SRPX2: variants seen among roughly 807,000 people sequenced by gnomAD.
SRPX2 encodes sushi repeat containing protein X-linked 2.
SRPX2 carries 26 observed loss-of-function variants against 45.3 expected under a neutral mutation model. The ratio of observed to expected loss-of-function variants is 0.57; its 90% CI spans 0.42 to 0.80. The LOEUF is 0.80. Ranked by LOEUF, SRPX2 falls within the 30% of genes least tolerant of loss-of-function variation. The probability of loss-of-function intolerance (pLI) is 0.00; values close to 1 mark genes in which losing one functional copy is unlikely to be tolerated. For missense variants in SRPX2, 355 were observed against 399.8 expected (o/e 0.89, Z 0.95); for synonymous variants, 125 against 143.7 (o/e 0.87, Z 0.93).
Position 100,670,894 on chromosome X carries a change from C to A in SRPX2, c.1305C>A (p.Val435=), listed in dbSNP as rs2083222547. The part of the protein sequence containing the change: ...GIDRDRYMEP[V]TPEEIFTFID... ...ACCGAGACCGCTACATGGAACCTGT[C>A]ACCCCCGAGGAAATCTTCACATTCA... is the stretch of plus-strand genomic sequence containing the variant. The change falls in exon 11 of 11, where the codon GTC becomes GTA. Residue 435 remains valine (V), a synonymous_variant. Transcript: ENST00000373004. The A allele has an allele frequency of 3.3e-6, 4 of 1,211,532 alleles. No homozygotes were observed. The highest frequency in any genetic ancestry group is 4.5e-6 in the Non-Finnish European group (4 of 895,457).
Position 100,671,263 on chromosome X carries a change from G to A in SRPX2, c.*276G>A. 4 of 383,627 alleles carry A rather than the reference G, an allele frequency of 1.0e-5. No individual in the cohort carries two copies. Among genetic ancestry groups the A allele is most frequent in the Non-Finnish European group, 1.8e-5 (4 of 217,928 alleles). 31.6% of individuals were successfully genotyped at this position (383,627 alleles called of 1,213,427 possible). A position where few individuals can be genotyped will look rare whatever the true frequency, so the allele number is the denominator to read the frequency against. ...CCGGGCCCCTGCCCAGCTCTCCAAA[G>A]TCTTTCAGAAAAGTAAATCCTAAAT... On this transcript the variant is annotated 3_prime_UTR_variant, in exon 11 of 11. Transcript: ENST00000373004.
chrX:100,653,644 T>A (rs890945452), intron 3 of SRPX2, among the ~76,000 whole-genome samples: 2 of 112,079 alleles, frequency 1.8e-5, no homozygotes, highest in Non-Finnish European at 3.8e-5. Context: ...TGTTCAGTAC[T>A]GTGTTCCCAA....
Position 100,666,854 on chromosome X carries a change from C to T in SRPX2, c.882C>T (p.Gly294=), listed in dbSNP as rs748732647. 8.2e-5 allele frequency: 99 copies of T among 1,210,290 alleles called. No homozygotes were observed. Among genetic ancestry groups the T allele is most frequent in the Non-Finnish European group, 1.0e-4 (92 of 895,376 alleles). ...YGATCEYHCD[G]GYDRQGTPSR... Reference sequence around the variant, plus strand: ...CCACCTGTGAATACCACTGTGATGGCGGTTATGATCGCCAGGGGACACCCT... The same window carrying T: ...CCACCTGTGAATACCACTGTGATGGTGGTTATGATCGCCAGGGGACACCCT... The change falls in exon 8 of 11, where the codon GGC becomes GGT. Residue 294 remains glycine (G), a synonymous_variant. Transcript: ENST00000373004.
At chrX:100,663,903 C>T (rs865927356) in intron 4 of SRPX2, among the ~76,000 whole-genome samples, 21 of 111,909 alleles carry the variant, frequency 1.9e-4, no homozygotes, top group Non-Finnish European at 3.4e-4. Flanking sequence ...CCCAAGTTGG[C>T]ATGTAAGTGA....
At chrX:100,652,122 G>A (rs2083155621) in intron 3 of SRPX2, among the ~76,000 whole-genome samples, 2 of 112,191 alleles carry the variant, frequency 1.8e-5, no homozygotes, top group South Asian at 7.4e-4. Flanking sequence ...TGCAGAAATA[G>A]GGGTTCAGTG....
chrX:100,657,347 G>GTTTTTTTTTT (rs1569359823), intron 3 of SRPX2, among the ~76,000 whole-genome samples: 1 of 11,652 alleles, frequency 8.6e-5, no homozygotes, highest in African/African-American at 1.7e-4. Context: ...TGTTATTTAT[G>GTTTTTTTTTT]TCTTTTTTTT....
rs1365807967 is a variant in SRPX2 at position 100,670,958 on chromosome X, C to T, written c.1369C>T (p.Arg457Cys). Reference sequence around the variant, plus strand: ...ACTGAGCAATCAGGAGTTGACCCAGCGTCGGGAGCAAAGGGACATATGCGA... The same window carrying T: ...ACTGAGCAATCAGGAGTTGACCCAGTGTCGGGAGCAAAGGGACATATGCGA... ...YLLSNQELTQ[R>C]REQRDICE is the part of the protein sequence containing the mutation. Residue 457 changes from arginine to cysteine, a missense_variant, in exon 11 of 11, where the codon CGT becomes TGT. Coordinates refer to ENST00000373004, the MANE Select transcript of SRPX2 (RefSeq NM_014467.3). 3.3e-6 allele frequency: 4 copies of T among 1,210,820 alleles called. No homozygotes were observed. In the East Asian group the frequency reaches 8.9e-5, roughly 27 times the overall value.
At chrX:100,665,141 G>C in intron 5 of SRPX2, 102 bp from the exon 6 acceptor site, 1 of 1,146,985 alleles carries the variant, frequency 8.7e-7, no homozygotes, top group Non-Finnish European at 1.2e-6. Context: ...TGAGCACCTT[G>C]AACTTTTTAT....
At chrX:100,650,977 C>A (rs2147640796) in intron 3 of SRPX2, 112 bp downstream of exon 3, 1 of 558,116 alleles carries the variant, frequency 1.8e-6, no homozygotes, top group Non-Finnish European at 3.0e-6. Context: ...AACTGTAGCA[C>A]AGGGAATCAG....
In SRPX2 at chrX:100,662,355, G is replaced by A. The variant is rs775991279; in HGVS notation, c.343G>A (p.Ala115Thr). ...CLPSRRWSGTAYCRQMRCHAL... is the reference protein window; with the variant it reads ...CLPSRRWSGTTYCRQMRCHAL... The stretch of plus-strand genomic sequence containing the variant: ...GCCAAGCCGTCGTTGGTCTGGAACT[G>A]CCTACTGCAGGCGTAAGTTGTGTGT... The change falls in exon 4 of 11, where the codon GCC becomes ACC. Residue 115 changes from alanine to threonine, a missense_variant. By Grantham distance (58) the Ala-to-Thr change is moderately conservative. Coordinates refer to ENST00000373004, the MANE Select transcript of SRPX2 (RefSeq NM_014467.3). 2 of 1,211,585 alleles carry A rather than the reference G, an allele frequency of 1.7e-6. No homozygotes were observed. The highest frequency in any genetic ancestry group is 3.5e-5 in the African/African-American group (2 of 57,890).
intron 3 of SRPX2, among the ~76,000 whole-genome samples, chrX:100,658,720 A>G (rs773535124): frequency 8.9e-6 from 1 of 112,176 alleles, no homozygotes; most frequent in Non-Finnish European, 1.9e-5. Context: ...TTTTAACAAT[A>G]TTAATTCTTC....
intron 4 of SRPX2, among the ~76,000 whole-genome samples, chrX:100,663,447 T>C (rs1602723227): frequency 1.8e-5 from 2 of 111,920 alleles, no homozygotes; most frequent in South Asian, 7.6e-4. Context: ...ATGCTTTGGA[T>C]CTATCATTTT....
intron 3 of SRPX2, among the ~76,000 whole-genome samples, chrX:100,660,736 G>A (rs1275327100): frequency 3.6e-5 from 4 of 111,211 alleles, no homozygotes; most frequent in African/African-American, 1.3e-4. Context: ...AGCTACTCGG[G>A]AGGCTGAGGC....
At chrX:100,649,703 AGG>A (rs2083146430) in intron 2 of SRPX2, 1 of 111,474 alleles carries the variant, frequency 9.0e-6, no homozygotes, top group African/African-American at 3.3e-5. Flanking sequence ...CCTTCAGTGC[AGG>A]GGGCCCTGTG....
chrX:100,658,673 G>T (rs2083178025), intron 3 of SRPX2, among the ~76,000 whole-genome samples: 1 of 111,823 alleles, frequency 8.9e-6, no homozygotes, highest in Non-Finnish European at 1.9e-5. Context: ...GATAGAAAGT[G>T]CATTGAATCT....
At chrX:100,661,864 G>GT (rs2083188579) in intron 3 of SRPX2, among the ~76,000 whole-genome samples, 1 of 97,514 alleles carries the variant, frequency 1.0e-5, no homozygotes. Flanking sequence ...ACCTTCTCCT[G>GT]TTTTTTCAAG....
intron 7 of SRPX2, 139 bp from the exon 8 acceptor site, chrX:100,666,615 C>A: frequency 1.4e-6 from 1 of 730,909 alleles, no homozygotes; most frequent in South Asian, 2.3e-5. Flanking sequence ...GCTCTATCCC[C>A]AGCCAGTGGA....
At chrX:100,656,192 C>G (rs1322067368) in intron 3 of SRPX2, among the ~76,000 whole-genome samples, 4 of 110,872 alleles carry the variant, frequency 3.6e-5, no homozygotes, top group Non-Finnish European at 1.9e-5. Context: ...ATTCTTTTTT[C>G]TTTTATTGGT....
At chrX:100,665,873 A>G (rs1291025031) in intron 7 of SRPX2, among the ~76,000 whole-genome samples, 1 of 111,886 alleles carries the variant, frequency 8.9e-6, no homozygotes, top group Non-Finnish European at 1.9e-5. Flanking sequence ...ACTCTCATCA[A>G]CAAGACTCTC....
Sources: allele counts gnomAD v4.1 joint callset (sites outside exome capture counted in the v4.1 genomes callset), GRCh38; gene constraint gnomAD v4.1.1; transcripts MANE v1.5; gene names NCBI Gene and HGNC (gene_info 2026-07-23, HGNC 2026-07-21).